The following PHF2 variants were observed in gnomAD, a reference collection of about 807,000 sequenced individuals.
PHF2 encodes the protein PHD finger protein 2.
Under a neutral mutation model 120.5 loss-of-function variants are expected in PHF2, and 27 were observed. That is an observed-to-expected ratio of 0.22 (90% CI 0.17 to 0.31). The LOEUF is 0.31. Ranked by LOEUF, PHF2 falls within the 10% of genes least tolerant of loss-of-function variation. PHF2 has a pLI of 1.00. For missense variants in PHF2, 1,024 were observed against 1,434.8 expected (o/e 0.71, Z 4.63); for synonymous variants, 568 against 592.5 (o/e 0.96, Z 0.60).
intron 1 of PHF2, among the ~76,000 whole-genome samples, chr9:93,622,831 T>A (rs1359457733): frequency 6.6e-6 from 1 of 152,188 alleles, no homozygotes; most frequent in Admixed American, 6.5e-5. Flanking sequence ...CTGGCCCTGC[T>A]AACTGAGCCC....
chr9:93,612,674 G>A (rs1488638147), intron 1 of PHF2, among the ~76,000 whole-genome samples: 1 of 152,220 alleles, frequency 6.6e-6, no homozygotes, highest in Non-Finnish European at 1.5e-5. Context: ...AGGTACATAT[G>A]ACTCATTTGC....
intron 3 of PHF2, among the ~76,000 whole-genome samples, chr9:93,638,217 C>G (rs1826122876): frequency 6.6e-6 from 1 of 151,356 alleles, no homozygotes; most frequent in African/African-American, 2.4e-5. Context: ...TCAAAATACT[C>G]TCTCCTATTC....
chr9:93,662,792 A>G (rs1409418650), intron 12 of PHF2, 115 bp from the exon 13 acceptor site: 1 of 1,242,782 alleles, frequency 8.0e-7, no homozygotes, highest in African/African-American at 1.5e-5. Context: ...GGGTAGATGG[A>G]TGGAGGCTTG....
intron 13 of PHF2, 42 bp downstream of exon 13, chr9:93,663,068 T>A: frequency 6.2e-7 from 1 of 1,612,212 alleles, no homozygotes; most frequent in Non-Finnish European, 8.5e-7. Context: ...GTGTGTCAGC[T>A]TGGTGAGTGT....
chr9:93,650,743 A>G (rs966739730), intron 5 of PHF2, among the ~76,000 whole-genome samples: 2 of 152,220 alleles, frequency 1.3e-5, no homozygotes, highest in South Asian at 2.1e-4. Context: ...CCCCCGCTCC[A>G]TCACATCACC....
At chr9:93,670,376 G>A (rs1826760106) in intron 17 of PHF2, among the ~76,000 whole-genome samples, 1 of 152,226 alleles carries the variant, frequency 6.6e-6, no homozygotes, top group Non-Finnish European at 1.5e-5. Context: ...CTGCTGGGCT[G>A]GACCACGTGA....
intron 1 of PHF2, among the ~76,000 whole-genome samples, chr9:93,628,526 T>C (rs1349690261): frequency 6.6e-6 from 1 of 152,230 alleles, no homozygotes; most frequent in African/African-American, 2.4e-5. Context: ...TAATTTTTCA[T>C]AGTATTCTGT....
intron 16 of PHF2, 71 bp from the exon 17 acceptor site, chr9:93,667,009 T>C (rs531157704): frequency 2.2e-5 from 29 of 1,324,976 alleles, no homozygotes; most frequent in Non-Finnish European, 2.6e-5. Flanking sequence ...AAAAGTATCC[T>C]CCTCCCAACT....
chr9:93,599,799 T>C (rs1825405604), intron 1 of PHF2, among the ~76,000 whole-genome samples: 1 of 152,106 alleles, frequency 6.6e-6, no homozygotes, highest in South Asian at 2.1e-4. Flanking sequence ...TGGGGCCAGG[T>C]GTATACATGA....
chr9:93,648,598 A>G (rs1431746970), intron 4 of PHF2, among the ~76,000 whole-genome samples: 1 of 152,206 alleles, frequency 6.6e-6, no homozygotes, highest in Non-Finnish European at 1.5e-5. Flanking sequence ...GGTTATCCTG[A>G]ACTTTTCTTT....
Position 93,679,406 on chromosome 9 carries a change from TCTC to T in PHF2, c.*1731_*1733del. On this transcript the variant is annotated 3_prime_UTR_variant, in exon 22 of 22. Transcript: ENST00000359246. Reference sequence around the variant, plus strand: ...CCTGGACATCAAGCTGTTCTCTCTCTCTCTTTTTTTTAATTTTATTATTATTAT... The same window carrying T: ...CCTGGACATCAAGCTGTTCTCTCTCTTTTTTTTTAATTTTATTATTATTAT... 6.0e-6 allele frequency: 2 copies of T among 333,732 alleles called. No homozygotes were observed. 20.7% of individuals were successfully genotyped at this position (333,732 alleles called of 1,614,324 possible).
intron 9 of PHF2, among the ~76,000 whole-genome samples, chr9:93,657,173 C>T (rs563075235): frequency 2.0e-4 from 30 of 152,256 alleles, no homozygotes; most frequent in African/African-American, 6.3e-4. Flanking sequence ...TGCCCAGCAG[C>T]GTGAGGGAGC....
intron 13 of PHF2, among the ~76,000 whole-genome samples, 177 bp from the exon 14 acceptor site, chr9:93,663,340 G>C (rs1179509354): frequency 6.6e-6 from 1 of 152,148 alleles, no homozygotes; most frequent in East Asian, 1.9e-4. Context: ...TCGAGGCACT[G>C]AGTCCATGGG....
At chr9:93,602,119 T>C (rs1230216619) in intron 1 of PHF2, among the ~76,000 whole-genome samples, 1 of 152,124 alleles carries the variant, frequency 6.6e-6, no homozygotes, top group Non-Finnish European at 1.5e-5. Context: ...TCTTCAGATC[T>C]CTCTTCCAGT....
chr9:93,649,746 C>A (rs927437235), intron 5 of PHF2, among the ~76,000 whole-genome samples: 1 of 151,924 alleles, frequency 6.6e-6, no homozygotes, highest in Non-Finnish European at 1.5e-5. Context: ...ACACTCTGAC[C>A]CTCACATTCG....
chr9:93,671,385 T>TA (rs1826787864), intron 17 of PHF2, among the ~76,000 whole-genome samples: 1 of 122,290 alleles, frequency 8.2e-6, no homozygotes, highest in Non-Finnish European at 1.7e-5. Context: ...TGGATGTAGG[T>TA]ACAGGTGTAG....
At chr9:93,601,874 G>A (rs1276836995) in intron 1 of PHF2, among the ~76,000 whole-genome samples, 2 of 151,680 alleles carry the variant, frequency 1.3e-5, no homozygotes, top group African/African-American at 4.8e-5. Flanking sequence ...AAATGGAAGG[G>A]AGCCCTGTGA....
At chr9:93,603,554 C>A (rs767060890) in intron 1 of PHF2, among the ~76,000 whole-genome samples, 1 of 152,160 alleles carries the variant, frequency 6.6e-6, no homozygotes, top group Non-Finnish European at 1.5e-5. Flanking sequence ...TCTAGCCTCT[C>A]CCTGCTTAAG....
At position 93,667,128 on chromosome 9, in the gene PHF2, A is replaced by G; in HGVS notation, c.2236A>G (p.Lys746Glu). 6.2e-7 allele frequency: 1 copy of G among 1,613,260 alleles called. No homozygotes were observed. The highest frequency in any genetic ancestry group is 1.1e-5 in the South Asian group (1 of 91,078). Reference sequence around the variant, plus strand: ...TTCGCTGCACATCGACACAGACACCAAGCCCGGCCGCAATGCCAGAGTCAA... The same window carrying G: ...TTCGCTGCACATCGACACAGACACCGAGCCCGGCCGCAATGCCAGAGTCAA... The part of the protein sequence containing the change: ...EGSLHIDTDT[K>E]PGRNARVKKE... The change falls in exon 17 of 22, where the codon AAG (lysine) becomes GAG (glutamate). Residue 746 changes from lysine (K) to glutamate (E), a missense_variant. Coordinates refer to ENST00000359246, the MANE Select transcript of PHF2 (RefSeq NM_005392.4).
Sources: gnomAD v4.1 joint callset for allele counts (sites outside exome capture counted in the v4.1 genomes callset) on GRCh38, gnomAD v4.1.1 for gene constraint, MANE v1.5 for transcripts, NCBI Gene and HGNC (gene_info 2026-07-23, HGNC 2026-07-21) for gene names.